CENPU: variants seen among roughly 807,000 people sequenced by gnomAD.
CENPU encodes the protein centromere protein U, also known as KSHV latent nuclear antigen interacting protein 1.
CENPU carries 46 observed loss-of-function variants against 56.7 expected under a neutral mutation model. The observed-to-expected ratio is 0.81, with a 90% confidence interval of 0.64 to 1.04. The LOEUF is 1.04. Among genes scored for constraint, CENPU ranks in the 50% least tolerant of loss-of-function variants. The pLI is 0.00. For missense variants in CENPU, 510 were observed against 490.1 expected (o/e 1.04, Z -0.38); for synonymous variants, 166 against 163.0 (o/e 1.02, Z -0.14).
intron 11 of CENPU, chr4:184,699,484 G>T: frequency 9.7e-7 from 1 of 1,028,612 alleles, no homozygotes; most frequent in Non-Finnish European, 1.3e-6. Flanking sequence ...GTTTAGGAAA[G>T]TGCCCTGCCA....
chr4:184,726,001 G>C (rs942070545), intron 3 of CENPU, among the ~76,000 whole-genome samples: 1 of 152,142 alleles, frequency 6.6e-6, no homozygotes, highest in Non-Finnish European at 1.5e-5. Flanking sequence ...AGGGGGCCTG[G>C]TAAGAGCCAA....
rs771327668 is a variant in CENPU at position 184,694,621 on chromosome 4, G to A, written c.*667C>T. On this transcript the variant is annotated 3_prime_UTR_variant, in exon 13 of 13. Coordinates refer to ENST00000281453, the MANE Select transcript of CENPU (RefSeq NM_024629.4). ...TAGCAGGCTGTCAACAGGTGCATCT[G>A]CTGATGCTGTCTGGGATAATGGCAT... The A allele has an allele frequency of 1.2e-6, 2 of 1,614,194 alleles. No individual in the cohort carries two copies. The highest frequency in any genetic ancestry group is 1.7e-6 in the Non-Finnish European group (2 of 1,180,020).
chr4:184,709,025 A>G (rs1202027187), intron 8 of CENPU, among the ~76,000 whole-genome samples: 1 of 127,868 alleles, frequency 7.8e-6, no homozygotes, highest in African/African-American at 2.5e-5. Flanking sequence ...TAAAAAAGTT[A>G]AAGAAGTAAC....
chr4:184,710,046 A>G (rs757090090), intron 8 of CENPU, 26 bp downstream of exon 8: 36 of 1,394,708 alleles, frequency 2.6e-5, no homozygotes, highest in Non-Finnish European at 3.2e-5. Flanking sequence ...TATTAGGTAA[A>G]TATAGCACAT....
intron 3 of CENPU, 143 bp from the exon 4 acceptor site, chr4:184,725,205 T>A: frequency 2.0e-6 from 1 of 497,902 alleles, no homozygotes; most frequent in Non-Finnish European, 3.5e-6. Context: ...ACTTCCCAAA[T>A]GTTTTTGATC....
At chr4:184,711,487 G>A (rs1170998243) in intron 7 of CENPU, among the ~76,000 whole-genome samples, 1 of 152,034 alleles carries the variant, frequency 6.6e-6, no homozygotes, top group African/African-American at 2.4e-5. Flanking sequence ...TCACCCTACT[G>A]TGCAACAGAA....
intron 10 of CENPU, 127 bp downstream of exon 10, chr4:184,701,962 T>G: frequency 1.5e-6 from 1 of 674,122 alleles, no homozygotes; most frequent in South Asian, 1.7e-5. Flanking sequence ...ATCAACCAAA[T>G]AAAAGCCTGA....
intron 1 of CENPU, among the ~76,000 whole-genome samples, chr4:184,733,657 C>G (rs556092732): frequency 6.6e-6 from 1 of 152,368 alleles, no homozygotes; most frequent in Non-Finnish European, 1.5e-5. Context: ...GAGAATAAAA[C>G]TCCACTAACA....
chr4:184,728,918 C>A lies in CENPU; in HGVS notation c.214G>T (p.Asp72Tyr). ...TAGGATAAAGATTTAAAGTACTAAC[C>A]AAAGGTCTCATAAGTTTCTTCATCT... ...EKDEETYETF[D>Y]PPLHSTAIYA... Residue 72 changes from aspartate to tyrosine, a missense_variant and splice_region_variant, in exon 3 of 13, where the codon GAT (aspartate) becomes TAT (tyrosine). By Grantham distance (160) the Asp-to-Tyr change is radical. Coordinates refer to ENST00000281453, the MANE Select transcript of CENPU (RefSeq NM_024629.4). 1 of 1,608,196 alleles carries A rather than the reference C, an allele frequency of 6.2e-7. No homozygotes were observed.
chr4:184,726,173 A>G (rs1347450122), intron 3 of CENPU, among the ~76,000 whole-genome samples: 1 of 152,174 alleles, frequency 6.6e-6, no homozygotes, highest in Non-Finnish European at 1.5e-5. Context: ...TATTTACTCT[A>G]TTGCTGTGAA....
At chr4:184,732,631 A>G (rs886928990) in intron 1 of CENPU, among the ~76,000 whole-genome samples, 2 of 152,062 alleles carry the variant, frequency 1.3e-5, no homozygotes, top group African/African-American at 4.8e-5. Context: ...GGGGGAAAAA[A>G]AGTCAAGGTT....
At chr4:184,733,305 T>A in intron 1 of CENPU, 1 of 986,342 alleles carries the variant, frequency 1.0e-6, no homozygotes, top group South Asian at 4.7e-5. Flanking sequence ...CACCTCCTCC[T>A]CCAGGCAGCC....
chr4:184,706,625 G>A (rs982676692), intron 8 of CENPU, among the ~76,000 whole-genome samples: 1 of 152,212 alleles, frequency 6.6e-6, no homozygotes, highest in African/African-American at 2.4e-5. Context: ...AGCTATTCAG[G>A]TGTGAGTGCT....
At chr4:184,723,661 G>T (rs1288287384) in intron 4 of CENPU, among the ~76,000 whole-genome samples, 10 of 151,746 alleles carry the variant, frequency 6.6e-5, no homozygotes, top group Non-Finnish European at 1.3e-4. Flanking sequence ...GGCCAACATG[G>T]TGAAACTCCA....
rs375931352 is a variant in CENPU at position 184,730,902 on chromosome 4, C to T, written c.96+18G>A. On this transcript the variant is annotated intron_variant, in intron 2 of 12. Transcript: ENST00000281453. ...ACTGTCAATTTTGAGAAAACCACAA[C>T]ACAAAAAGGTAACTTACATCTTTCA... is the stretch of plus-strand genomic sequence containing the variant. The T allele has an allele frequency of 9.5e-6, 15 of 1,573,028 alleles. No homozygotes were observed. The African/African-American group carries it at 1.2e-4, about 13-fold the overall frequency.
chr4:184,716,333 T>C, intron 6 of CENPU, 64 bp downstream of exon 6: 2 of 1,034,836 alleles, frequency 1.9e-6, no homozygotes, highest in South Asian at 2.9e-5. Context: ...AATGCTTCAT[T>C]TTCTTCCCCA....
chr4:184,697,033 A>G (rs1036291091), intron 12 of CENPU, among the ~76,000 whole-genome samples: 5 of 151,782 alleles, frequency 3.3e-5, no homozygotes, highest in Admixed American at 2.0e-4. Flanking sequence ...GGCATACACC[A>G]CCACACCTGG....
chr4:184,730,969 C>CTA lies in CENPU; in HGVS notation c.48-3_48-2dup. The CTA allele has an allele frequency of 1.3e-6, 2 of 1,575,810 alleles. No homozygotes were observed. Among genetic ancestry groups the CTA allele is most frequent in the Non-Finnish European group, 1.7e-6 (2 of 1,167,476 alleles). Reference sequence around the variant, plus strand: ...TAAAGTGTTCTTTGAACGTCTTGCGCTATTAAACAGCAAAAAAACACAAGA... The same window carrying CTA: ...TAAAGTGTTCTTTGAACGTCTTGCGCTATATTAAACAGCAAAAAAACACAAGA... On this transcript the variant is annotated splice_acceptor_variant, in intron 1 of 12. Transcript: ENST00000281453. LOFTEE classifies it high-confidence loss of function.
At chr4:184,711,858 C>T (rs1056292640) in intron 7 of CENPU, among the ~76,000 whole-genome samples, 13 of 152,232 alleles carry the variant, frequency 8.5e-5, no homozygotes, top group African/African-American at 3.1e-4. Flanking sequence ...TGCGGTGGCT[C>T]ACACCTGTAA....
Sources: allele counts gnomAD v4.1 joint callset (sites outside exome capture counted in the v4.1 genomes callset), GRCh38; gene constraint gnomAD v4.1.1; transcripts MANE v1.5; gene names NCBI Gene and HGNC (gene_info 2026-07-23, HGNC 2026-07-21).